The following NDUFAF6 variants were observed in gnomAD, a reference collection of about 807,000 sequenced individuals.
NDUFAF6 encodes NADH dehydrogenase (ubiquinone) complex I, assembly factor 6.
In NDUFAF6, 45 loss-of-function variants were observed where a neutral mutation model predicts 40.8. That is an observed-to-expected ratio of 1.10 (90% confidence interval 0.87 to 1.42). The LOEUF (loss-of-function observed/expected upper bound fraction) is 1.42, where lower values mean the gene tolerates loss of function less well. Among genes scored for constraint, NDUFAF6 ranks in the 40% most tolerant of loss-of-function variants. The probability of loss-of-function intolerance (pLI) is 0.00; values close to 1 mark genes in which losing one functional copy is unlikely to be tolerated. For synonymous variants in NDUFAF6, 185 were observed against 155.9 expected, an observed-to-expected ratio of 1.19 and a Z score of -1.39; for missense variants, 435 against 418.5, an observed-to-expected ratio of 1.04 and a Z score of -0.34.
At chr8:94,920,988 A>G (rs1425108904) in intron 1 of NDUFAF6, among the ~76,000 whole-genome samples, 2 of 152,158 alleles carry the variant, frequency 1.3e-5, no homozygotes, top group Non-Finnish European at 1.5e-5. Context: ...GGCTAGAACT[A>G]GCCTTAAGAA....
chr8:94,974,326 A>G (rs1217361228), intron 1 of NDUFAF6, among the ~76,000 whole-genome samples: 2 of 151,870 alleles, frequency 1.3e-5, no homozygotes, highest in Admixed American at 6.6e-5. Context: ...ATGACCAGAC[A>G]TGGCTTCCTG....
chr8:95,050,914 A>G (rs966712568), intron 7 of NDUFAF6, among the ~76,000 whole-genome samples: 1 of 152,364 alleles, frequency 6.6e-6, no homozygotes, highest in African/African-American at 2.4e-5. Flanking sequence ...TGAAGGTTGC[A>G]TGAAGAATTC....
chr8:94,999,069 AACATTTAATATTTATTAAATGT>A (rs1315765013), intron 2 of NDUFAF6, among the ~76,000 whole-genome samples: 7 of 152,004 alleles, frequency 4.6e-5, no homozygotes, highest in Non-Finnish European at 1.0e-4. Flanking sequence ...AATGTCATAA[AACATTTAATATTTATTAAATGT>A]ACTCCGGTAT....
rs187615878 is a variant in NDUFAF6, at chr8:95,048,665, T to C, written c.816+107T>C. On this transcript the variant is annotated intron_variant, in intron 7 of 8. Transcript: ENST00000396124. ...TCCCAACTTGGCAGTCTTTTTTCCA[T>C]TTTTCATTGATTTCCCAGTAGATTT... 1.8e-3 allele frequency: 1,490 copies of C among 838,092 alleles called. 7 individuals carry two copies. The highest frequency in any genetic ancestry group is 2.4e-3 in the Non-Finnish European group (1,173 of 499,126). The allele number at this position is 838,092 out of a possible 1,614,324, so 51.9% of individuals were successfully genotyped here.
chr8:94,935,477 A>G (rs540457406), intron 1 of NDUFAF6, among the ~76,000 whole-genome samples: 1 of 152,250 alleles, frequency 6.6e-6, no homozygotes, highest in African/African-American at 2.4e-5. Context: ...GGAAACTTAA[A>G]AAGCCAGAAG....
exon 10 of NDUFAF6, chr8:95,075,757 T>G: frequency 1.6e-6 from 2 of 1,253,838 alleles, no homozygotes; most frequent in Non-Finnish European, 2.1e-6. Flanking sequence ...CTCCAGGTAC[T>G]TGAGCTTGGA....
chr8:94,970,654 A>G (rs995484567), intron 1 of NDUFAF6, among the ~76,000 whole-genome samples: 5 of 152,236 alleles, frequency 3.3e-5, no homozygotes, highest in African/African-American at 1.2e-4. Flanking sequence ...TTAGAAAAGT[A>G]TGGCACATTC....
chr8:94,913,983 G>A (rs1260619944), intron 1 of NDUFAF6, among the ~76,000 whole-genome samples: 1 of 152,100 alleles, frequency 6.6e-6, no homozygotes, highest in Non-Finnish European at 1.5e-5. Flanking sequence ...ATAGAGATGG[G>A]GTTTTGCAAT....
chr8:95,011,796 GT>G (rs1827237662), intron 2 of NDUFAF6, among the ~76,000 whole-genome samples: 1 of 152,162 alleles, frequency 6.6e-6, no homozygotes, highest in African/African-American at 2.4e-5. Flanking sequence ...TGATTGGGAT[GT>G]TTAATTAATA....
intron 9 of NDUFAF6, among the ~76,000 whole-genome samples, chr8:95,074,100 A>T (rs1042821398): frequency 6.6e-6 from 1 of 152,284 alleles, no homozygotes; most frequent in South Asian, 2.1e-4. Context: ...GGATGGAACA[A>T]GGTTGGCTAT....
chr8:94,972,466 T>C (rs1205500427), intron 1 of NDUFAF6, among the ~76,000 whole-genome samples: 1 of 152,148 alleles, frequency 6.6e-6, no homozygotes, highest in Non-Finnish European at 1.5e-5. Context: ...CTCTAACTCC[T>C]GAACTCAAGT....
chr8:95,058,471 TA>T lies in NDUFAF6; in HGVS notation c.*539del. 1.6e-6 allele frequency: 2 copies of T among 1,229,720 alleles called. No homozygotes were observed. Among genetic ancestry groups the T allele is most frequent in the Non-Finnish European group, 2.0e-6 (2 of 987,100 alleles). The allele number at this position is 1,229,720 out of a possible 1,614,324, so 76.2% of individuals were successfully genotyped here. A position where few individuals can be genotyped will look rare whatever the true frequency, so the allele number is the denominator to read the frequency against. On this transcript the variant is annotated 3_prime_UTR_variant, in exon 9 of 9. Transcript: ENST00000396124. ...AACGTTTAATTTTTACAATCTTGTG[TA>T]AAAATTTATCCATGATAATAACATA...
chr8:94,966,456 T>C (rs1824020906), intron 1 of NDUFAF6, among the ~76,000 whole-genome samples: 1 of 152,038 alleles, frequency 6.6e-6, no homozygotes, highest in African/African-American at 2.4e-5. Flanking sequence ...TAGCCAGGTG[T>C]GGTAGCACGC....
chr8:95,037,269 C>G (rs1829612024), intron 3 of NDUFAF6, among the ~76,000 whole-genome samples: 1 of 152,170 alleles, frequency 6.6e-6, no homozygotes, highest in Non-Finnish European at 1.5e-5. Context: ...AAAATATTTA[C>G]TTTTTTACCT....
chr8:95,100,915 G>A (rs1809630124), intron 1 of NDUFAF6, among the ~76,000 whole-genome samples: 1 of 152,054 alleles, frequency 6.6e-6, no homozygotes, highest in Non-Finnish European at 1.5e-5. Flanking sequence ...CAAGGTTACC[G>A]TAAAAAGCGG....
intron 1 of NDUFAF6, among the ~76,000 whole-genome samples, chr8:94,905,863 A>G (rs1463767995): frequency 6.6e-6 from 1 of 152,160 alleles, no homozygotes; most frequent in South Asian, 2.1e-4. Context: ...CACGTTGTAG[A>G]TTACTGTGCT....
At chr8:95,013,037 C>T (rs562708711) in intron 2 of NDUFAF6, among the ~76,000 whole-genome samples, 1 of 152,140 alleles carries the variant, frequency 6.6e-6, no homozygotes, top group Non-Finnish European at 1.5e-5. Flanking sequence ...TTTCTTTCTA[C>T]TCTTCTATTT....
downstream of NDUFAF6, among the ~76,000 whole-genome samples, chr8:95,080,498 G>A (rs1808803076): frequency 1.3e-5 from 2 of 149,572 alleles, no homozygotes; most frequent in African/African-American, 4.9e-5. Flanking sequence ...ATTTTTGGTA[G>A]TGATTTTTGG....
At chr8:95,012,790 T>C (rs1827280509) in intron 2 of NDUFAF6, among the ~76,000 whole-genome samples, 1 of 151,946 alleles carries the variant, frequency 6.6e-6, no homozygotes, top group Non-Finnish European at 1.5e-5. Flanking sequence ...CGCCACTGCA[T>C]TCCAGCCTGG....
Sources: allele counts gnomAD v4.1 joint callset (sites outside exome capture counted in the v4.1 genomes callset), GRCh38; gene constraint gnomAD v4.1.1; transcripts MANE v1.5; gene names NCBI Gene and HGNC (gene_info 2026-07-23, HGNC 2026-07-21).